Variants in KCNH7 observed in about 807,000 individuals in gnomAD.
KCNH7 encodes the protein potassium voltage-gated channel subfamily H member 7, also known as voltage-gated inwardly rectifying potassium channel KCNH7.
A neutral mutation model predicts 120.8 loss-of-function variants in KCNH7; 49 were observed. That is an observed-to-expected ratio of 0.41 (90% CI 0.32 to 0.51). KCNH7 has a LOEUF of 0.51. Among genes scored for constraint, KCNH7 ranks in the 20% least tolerant of loss-of-function variants. The probability of loss-of-function intolerance (pLI) is 0.38; values close to 1 mark genes in which losing one functional copy is unlikely to be tolerated. For synonymous variants in KCNH7, 547 were observed against 516.1 expected, an observed-to-expected ratio of 1.06 and a Z score of -0.81; for missense variants, 1,097 against 1,446.6, an observed-to-expected ratio of 0.76 and a Z score of 3.92.
intron 2 of KCNH7, among the ~76,000 whole-genome samples, chr2:162,709,831 T>A (rs1686857700): frequency 6.6e-6 from 1 of 152,182 alleles, no homozygotes; most frequent in Non-Finnish European, 1.5e-5. Flanking sequence ...CTTTCCTCCC[T>A]GAATATTTGT....
At chr2:162,831,420 G>A (rs1214737498) in intron 2 of KCNH7, among the ~76,000 whole-genome samples, 1 of 152,104 alleles carries the variant, frequency 6.6e-6, no homozygotes, top group Non-Finnish European at 1.5e-5. Flanking sequence ...AATGCTATTT[G>A]AGAAATATTT....
intron 6 of KCNH7, among the ~76,000 whole-genome samples, chr2:162,449,059 A>C (rs1186673610): frequency 6.6e-6 from 1 of 151,970 alleles, no homozygotes; most frequent in Non-Finnish European, 1.5e-5. Flanking sequence ...GAGGGGACAG[A>C]ATGAACAAGG....
chr2:162,471,293 G>C (rs971555589), intron 6 of KCNH7, among the ~76,000 whole-genome samples: 1 of 150,252 alleles, frequency 6.7e-6, no homozygotes, highest in Non-Finnish European at 1.5e-5. Flanking sequence ...TGCCCTCTGA[G>C]ACTAGGTGAA....
chr2:162,756,518 G>A (rs565098579), intron 2 of KCNH7, among the ~76,000 whole-genome samples: 2 of 152,128 alleles, frequency 1.3e-5, no homozygotes, highest in Non-Finnish European at 2.9e-5. Flanking sequence ...CCAGGTTGCA[G>A]TGCAGTGGCA....
rs1424911933 is a variant in KCNH7, at chr2:162,435,334, A to G, written c.1818T>C (p.Ser606=). The part of the protein sequence containing the change: ...GKRYNDSDSS[S]GPSIKDKYVT... ...CGTATTTGTCTTTAATGGATGGTCCAGAACTTGAGTCACTGTCATTGTAAC... is the reference window on the plus strand; with the variant it reads ...CGTATTTGTCTTTAATGGATGGTCCGGAACTTGAGTCACTGTCATTGTAAC... The change falls in exon 8 of 16, where the codon TCT becomes TCC. Residue 606 remains serine (S), a synonymous_variant. Transcript: ENST00000332142. The G allele has an allele frequency of 6.2e-7, 1 of 1,613,804 alleles. No individual in the cohort carries two copies. The highest frequency in any genetic ancestry group is 8.5e-7 in the Non-Finnish European group (1 of 1,179,868).
In KCNH7 at chr2:162,423,299, C is replaced by T. The variant is rs1028034588; in HGVS notation, c.2154+37G>A. 1.9e-6 allele frequency: 3 copies of T among 1,613,844 alleles called. No individual in the cohort carries two copies. The African/African-American group carries it at 4.0e-5, about 22-fold the overall frequency. On this transcript the variant is annotated intron_variant, in intron 9 of 15. Transcript: ENST00000332142. ...TCCATTTTGGCTATCACTATAATGC[C>T]TGCGGCACTTTCATTTTGGAAAACA...
chr2:162,587,282 G>A (rs1694051654), intron 2 of KCNH7, among the ~76,000 whole-genome samples: 1 of 151,980 alleles, frequency 6.6e-6, no homozygotes, highest in Non-Finnish European at 1.5e-5. Context: ...TATTTTTCTG[G>A]GAAATTGTCA....
intron 6 of KCNH7, among the ~76,000 whole-genome samples, chr2:162,495,464 G>A (rs896593704): frequency 1.3e-5 from 2 of 152,118 alleles, no homozygotes; most frequent in African/African-American, 4.8e-5. Context: ...GAGATTCCTT[G>A]TAGAACAGAG....
intron 2 of KCNH7, among the ~76,000 whole-genome samples, chr2:162,736,402 C>T (rs1687911900): frequency 6.6e-6 from 1 of 152,192 alleles, no homozygotes; most frequent in African/African-American, 2.4e-5. Flanking sequence ...ATGTTGATGC[C>T]TTTGTGATTC....
At chr2:162,817,158 C>T (rs1684944092) in intron 2 of KCNH7, among the ~76,000 whole-genome samples, 1 of 152,034 alleles carries the variant, frequency 6.6e-6, no homozygotes, top group African/African-American at 2.4e-5. Flanking sequence ...GTAATCAATA[C>T]CCAATCAAGA....
chr2:162,768,336 GT>G (rs34062395), intron 2 of KCNH7, among the ~76,000 whole-genome samples: 4 of 151,120 alleles, frequency 2.6e-5, no homozygotes, highest in Non-Finnish European at 4.4e-5. Flanking sequence ...CTGAAGCTGG[GT>G]TTTTTTTTAT....
At chr2:162,673,243 G>T (rs570545693) in intron 2 of KCNH7, among the ~76,000 whole-genome samples, 39 of 152,104 alleles carry the variant, frequency 2.6e-4, no homozygotes, top group Non-Finnish European at 5.2e-4. Context: ...AAAAAATAGA[G>T]ATCAGTATCA....
At chr2:162,647,503 T>C (rs1684406755) in intron 2 of KCNH7, among the ~76,000 whole-genome samples, 2 of 152,182 alleles carry the variant, frequency 1.3e-5, no homozygotes. Flanking sequence ...TCACCTTGAA[T>C]TGTAATAAGC....
At chr2:162,455,146 T>C (rs1339981258) in intron 6 of KCNH7, among the ~76,000 whole-genome samples, 1 of 152,068 alleles carries the variant, frequency 6.6e-6, no homozygotes, top group Non-Finnish European at 1.5e-5. Context: ...TTTAAACATG[T>C]AGGGATGTTG....
At chr2:162,677,774 T>A (rs1189308915) in intron 2 of KCNH7, among the ~76,000 whole-genome samples, 1 of 151,516 alleles carries the variant, frequency 6.6e-6, no homozygotes, top group East Asian at 1.9e-4. Flanking sequence ...TACAGTCACA[T>A]CAAGTAGTTT....
At chr2:162,418,210 G>C (rs933495551) in intron 9 of KCNH7, among the ~76,000 whole-genome samples, 1 of 152,088 alleles carries the variant, frequency 6.6e-6, no homozygotes, top group African/African-American at 2.4e-5. Flanking sequence ...AAAACCAAAA[G>C]GTGTTGCCAG....
chr2:162,414,230 A>G (rs1255333311), intron 9 of KCNH7, among the ~76,000 whole-genome samples: 3 of 151,996 alleles, frequency 2.0e-5, no homozygotes, highest in South Asian at 4.1e-4. Flanking sequence ...TTAAAATTAC[A>G]TATAATCTTT....
intron 2 of KCNH7, among the ~76,000 whole-genome samples, chr2:162,727,646 TCCATGTTG>T (rs1163073553): frequency 1.3e-5 from 2 of 152,224 alleles, no homozygotes; most frequent in Non-Finnish European, 2.9e-5. Flanking sequence ...TTAGGATTCA[TCCATGTTG>T]TTACTGTCTC....
intron 2 of KCNH7, among the ~76,000 whole-genome samples, chr2:162,769,762 A>T (rs1026549057): frequency 2.6e-5 from 4 of 152,130 alleles, no homozygotes; most frequent in Admixed American, 2.6e-4. Context: ...GGAATAAAAT[A>T]GAAACTCAAG....
Sources: allele counts gnomAD v4.1 joint callset (sites outside exome capture counted in the v4.1 genomes callset), GRCh38; gene constraint gnomAD v4.1.1; transcripts MANE v1.5; gene names NCBI Gene and HGNC (gene_info 2026-07-23, HGNC 2026-07-21).